The following NUBPL variants were observed in gnomAD, a reference collection of about 807,000 sequenced individuals.
NUBPL encodes NUBP iron-sulfur cluster assembly factor, mitochondrial, also known as iron-sulfur cluster transfer protein NUBPL.
Under a neutral mutation model 45.7 loss-of-function variants are expected in NUBPL, and 31 were observed. That is an observed-to-expected ratio of 0.68 (90% CI 0.51 to 0.92). The LOEUF is 0.92. Among genes scored for constraint, NUBPL ranks in the 40% least tolerant of loss-of-function variants. NUBPL has a pLI of 0.00. For missense variants in NUBPL, 401 were observed against 398.7 expected, an observed-to-expected ratio of 1.01 and a Z score of -0.05; for synonymous variants, 144 against 140.9, an observed-to-expected ratio of 1.02 and a Z score of -0.15.
At chr14:31,695,441 C>G (rs987449147) in intron 6 of NUBPL, among the ~76,000 whole-genome samples, 5 of 151,550 alleles carry the variant, frequency 3.3e-5, no homozygotes, top group African/African-American at 1.2e-4. Context: ...CAGTTTCCCA[C>G]TCACTATGGT....
chr14:31,660,259 C>G (rs2036237387), intron 4 of NUBPL, among the ~76,000 whole-genome samples: 1 of 152,126 alleles, frequency 6.6e-6, no homozygotes, highest in Non-Finnish European at 1.5e-5. Context: ...TTCTTTTCTT[C>G]TAGGTAAATA....
At chr14:31,603,951 T>C (rs2034514104) in intron 4 of NUBPL, among the ~76,000 whole-genome samples, 1 of 152,174 alleles carries the variant, frequency 6.6e-6, no homozygotes, top group South Asian at 2.1e-4. Flanking sequence ...TAAAGTAATA[T>C]GAAAACTAGT....
intron 6 of NUBPL, among the ~76,000 whole-genome samples, chr14:31,710,211 G>A (rs975595664): frequency 2.0e-5 from 3 of 152,150 alleles, no homozygotes; most frequent in Admixed American, 6.5e-5. Context: ...GGGTGAGCCT[G>A]TTGATGCCTG....
chr14:31,616,367 T>C (rs1212305471), intron 4 of NUBPL, among the ~76,000 whole-genome samples: 1 of 152,196 alleles, frequency 6.6e-6, no homozygotes, highest in Non-Finnish European at 1.5e-5. Context: ...CTGAATGGTA[T>C]TGCCTAGGTT....
intron 7 of NUBPL, among the ~76,000 whole-genome samples, chr14:31,798,696 G>T (rs1365610097): frequency 6.8e-6 from 1 of 146,432 alleles, no homozygotes; most frequent in East Asian, 2.0e-4. Flanking sequence ...GGAGGCTGAG[G>T]CAGGAGAATG....
chr14:31,785,087 A>G (rs757000620), intron 6 of NUBPL, among the ~76,000 whole-genome samples: 4 of 152,144 alleles, frequency 2.6e-5, no homozygotes, highest in Non-Finnish European at 5.9e-5. Context: ...CCACCATTCA[A>G]TTCTTTCTCC....
intron 3 of NUBPL, among the ~76,000 whole-genome samples, chr14:31,586,047 A>G (rs1350717125): frequency 6.6e-6 from 1 of 152,184 alleles, no homozygotes. Flanking sequence ...AAACCCCCAA[A>G]CACTTTTGTT....
At chr14:31,731,384 A>T (rs555895267) in intron 6 of NUBPL, among the ~76,000 whole-genome samples, 4 of 152,342 alleles carry the variant, frequency 2.6e-5, no homozygotes, top group East Asian at 1.9e-4. Context: ...TATATAATAC[A>T]TTTGACACAC....
chr14:31,712,694 T>C (rs2037604233), intron 6 of NUBPL, among the ~76,000 whole-genome samples: 1 of 152,228 alleles, frequency 6.6e-6, no homozygotes, highest in African/African-American at 2.4e-5. Flanking sequence ...CTCTCACCAG[T>C]GTTACCAAAA....
intron 4 of NUBPL, among the ~76,000 whole-genome samples, chr14:31,642,977 G>A (rs187325775): frequency 1.3e-5 from 2 of 152,142 alleles, no homozygotes; most frequent in East Asian, 3.9e-4. Context: ...GTGTATATAA[G>A]TGCTACTGGT....
At chr14:31,673,637 A>T (rs2139812484) in intron 6 of NUBPL, 63 bp downstream of exon 6, 1 of 1,392,852 alleles carries the variant, frequency 7.2e-7, no homozygotes, top group Non-Finnish European at 1.0e-6. Context: ...ACATTTGCTG[A>T]TTGGAGAATT....
At chr14:31,828,907 G>C (rs1404441013) in intron 8 of NUBPL, among the ~76,000 whole-genome samples, 2 of 152,174 alleles carry the variant, frequency 1.3e-5, no homozygotes, top group Non-Finnish European at 2.9e-5. Flanking sequence ...TCCAGGTTAG[G>C]CTATTGTTAG....
chr14:31,711,866 A>G (rs908118199), intron 6 of NUBPL, among the ~76,000 whole-genome samples: 1 of 151,532 alleles, frequency 6.6e-6, no homozygotes, highest in African/African-American at 2.4e-5. Flanking sequence ...GTTCATAAAG[A>G]TGGCACATCC....
At chr14:31,588,952 A>G (rs1296702753) in intron 3 of NUBPL, among the ~76,000 whole-genome samples, 1 of 151,782 alleles carries the variant, frequency 6.6e-6, no homozygotes, top group East Asian at 1.9e-4. Flanking sequence ...CATGTGATTC[A>G]TATGGTACTA....
rs753448190 is a variant in NUBPL at position 31,698,856 on chromosome 14, C to CT, written c.513+25298dup. ...AGAAGTGACTCAATAGTGACTTACA[C>CT]TTTTTTTTTTTTTTTTAAGACAGAG... is the stretch of plus-strand genomic sequence containing the variant. On this transcript the variant is annotated intron_variant, in intron 6 of 10. Coordinates refer to ENST00000281081, the MANE Select transcript of NUBPL (RefSeq NM_025152.3). 4.8e-3 allele frequency among the ~76,000 whole-genome samples: 673 copies of CT among 140,600 alleles called. 3 individuals are homozygous for CT. The highest frequency in any genetic ancestry group is 9.3e-3 in the African/African-American group (359 of 38,414). 92.2% of individuals were successfully genotyped at this position (140,600 alleles called of 152,430 possible). A position where few individuals can be genotyped will look rare whatever the true frequency, so the allele number is the denominator to read the frequency against.
At chr14:31,623,967 GAT>G (rs2035138491) in intron 4 of NUBPL, among the ~76,000 whole-genome samples, 1 of 152,300 alleles carries the variant, frequency 6.6e-6, no homozygotes, top group East Asian at 1.9e-4. Flanking sequence ...TGCTATCATG[GAT>G]TTTAGGTAAG....
At chr14:31,637,698 C>G (rs536255353) in intron 4 of NUBPL, among the ~76,000 whole-genome samples, 93 of 152,276 alleles carry the variant, frequency 6.1e-4, no homozygotes, top group Admixed American at 3.6e-3. Context: ...AAGTTAGAGT[C>G]TCCCATTATT....
At chr14:31,638,240 C>T (rs1165403891) in intron 4 of NUBPL, among the ~76,000 whole-genome samples, 1 of 151,990 alleles carries the variant, frequency 6.6e-6, no homozygotes, top group Non-Finnish European at 1.5e-5. Context: ...TTGTTCCTTT[C>T]CATGTTTAGT....
chr14:31,773,569 C>A (rs954079026), intron 6 of NUBPL, among the ~76,000 whole-genome samples: 1 of 152,152 alleles, frequency 6.6e-6, no homozygotes, highest in African/African-American at 2.4e-5. Flanking sequence ...AGTTGAATAA[C>A]GATCCTAGGA....
Sources: allele counts gnomAD v4.1 joint callset (sites outside exome capture counted in the v4.1 genomes callset), GRCh38; gene constraint gnomAD v4.1.1; transcripts MANE v1.5; gene names NCBI Gene and HGNC (gene_info 2026-07-23, HGNC 2026-07-21).